Variants in MAPK10 observed in about 807,000 individuals in gnomAD.
MAPK10 encodes the protein mitogen-activated protein kinase 10.
MAPK10 carries 25 observed loss-of-function variants against 59.3 expected under a neutral mutation model. The ratio of observed to expected loss-of-function variants is 0.42; its 90% CI spans 0.31 to 0.59. The LOEUF is 0.59. MAPK10 is among the 20% of genes least tolerant of loss of function. The probability of loss-of-function intolerance (pLI) is 0.15; values close to 1 mark genes in which losing one functional copy is unlikely to be tolerated. For missense variants in MAPK10, 351 were observed against 568.9 expected (o/e 0.62, Z 3.90); for synonymous variants, 190 against 200.5 (o/e 0.95, Z 0.44).
chr4:86,256,726 CTTTCTTTCTTTTTTTTTTTTT>C (rs1267736266), intron 2 of MAPK10, among the ~76,000 whole-genome samples: 1 of 99,254 alleles, frequency 1.0e-5, no homozygotes, highest in African/African-American at 4.8e-5. Context: ...TTTTTCTTTT[CTTTCTTTCTTTTTTTTTTTTT>C]TTTTTTTTTT....
intron 4 of MAPK10, chr4:86,152,771 T>C (rs2066793981): frequency 6.6e-6 from 1 of 152,182 alleles, no homozygotes; most frequent in Admixed American, 6.6e-5. Flanking sequence ...ACATACCTAC[T>C]ATCTTTTTTA....
chr4:86,420,304 A>C (rs1746345664), intron 1 of MAPK10, among the ~76,000 whole-genome samples: 1 of 152,114 alleles, frequency 6.6e-6, no homozygotes, highest in Non-Finnish European at 1.5e-5. Context: ...ATTATATCTT[A>C]CTCAGAAATG....
chr4:86,214,457 T>C (rs138430667), intron 2 of MAPK10, among the ~76,000 whole-genome samples: 4,427 of 148,362 alleles, frequency 0.03, 90 homozygotes, highest in South Asian at 0.041. Context: ...AAAGTACAAT[T>C]ATATTTGTTC....
At chr4:86,292,969 C>A (rs922173142) in intron 2 of MAPK10, among the ~76,000 whole-genome samples, 1 of 152,140 alleles carries the variant, frequency 6.6e-6, no homozygotes, top group African/African-American at 2.4e-5. Context: ...ACTAAGTCAC[C>A]ATAAGATGTT....
chr4:86,488,976 G>C (rs1057283380), intron 1 of MAPK10, among the ~76,000 whole-genome samples: 1 of 152,140 alleles, frequency 6.6e-6, no homozygotes, highest in Non-Finnish European at 1.5e-5. Context: ...TTGCGCATTC[G>C]GGCTTGTTCT....
chr4:86,086,811 A>T (rs569998555), intron 9 of MAPK10, among the ~76,000 whole-genome samples: 1 of 152,174 alleles, frequency 6.6e-6, no homozygotes, highest in South Asian at 2.1e-4. Context: ...GTAATGTCTT[A>T]TACATTAAGA....
chr4:86,336,864 C>T (rs1322443590), intron 2 of MAPK10, among the ~76,000 whole-genome samples: 3 of 143,390 alleles, frequency 2.1e-5, no homozygotes, highest in Non-Finnish European at 4.5e-5. Flanking sequence ...GATCTCAGCT[C>T]GCTGCAAGCT....
At chr4:86,159,097 G>T in intron 4 of MAPK10, 1 of 381,284 alleles carries the variant, frequency 2.6e-6, no homozygotes, top group Non-Finnish European at 4.6e-6. Context: ...CATGTCACAA[G>T]CCAAGTTGTA....
intron 2 of MAPK10, among the ~76,000 whole-genome samples, chr4:86,293,767 C>G (rs1224428862): frequency 2.0e-5 from 3 of 151,954 alleles, no homozygotes; most frequent in Admixed American, 6.6e-5. Flanking sequence ...AGGGGAGGTG[C>G]CACACGCTTT....
intron 2 of MAPK10, 131 bp from the exon 3 acceptor site, chr4:86,194,538 C>G: frequency 1.5e-6 from 1 of 657,662 alleles, no homozygotes; most frequent in Non-Finnish European, 2.7e-6. Context: ...TAATCCTTAT[C>G]TTGACCTGTA....
intron 1 of MAPK10, among the ~76,000 whole-genome samples, chr4:86,441,815 G>T (rs984190180): frequency 6.6e-6 from 1 of 152,140 alleles, no homozygotes; most frequent in African/African-American, 2.4e-5. Flanking sequence ...TCCCCCTATT[G>T]TCCCCATGGA....
intron 2 of MAPK10, among the ~76,000 whole-genome samples, chr4:86,272,086 G>C (rs974383356): frequency 2.0e-5 from 3 of 151,946 alleles, no homozygotes; most frequent in African/African-American, 7.2e-5. Context: ...GAGTACATGC[G>C]GTATTTGGTT....
At chr4:86,491,158 T>C (rs927304379) in intron 1 of MAPK10, among the ~76,000 whole-genome samples, 1 of 152,004 alleles carries the variant, frequency 6.6e-6, no homozygotes, top group South Asian at 2.1e-4. Context: ...GCAGTCAGAG[T>C]AGCAGTGCTG....
chr4:86,443,144 A>C (rs1749610524), intron 1 of MAPK10, among the ~76,000 whole-genome samples: 1 of 152,152 alleles, frequency 6.6e-6, no homozygotes, highest in Admixed American at 6.5e-5. Context: ...TTTTGTGTTG[A>C]AAACTCCAAG....
chr4:86,196,382 T>C (rs930932167), intron 2 of MAPK10, among the ~76,000 whole-genome samples: 5 of 152,240 alleles, frequency 3.3e-5, no homozygotes, highest in African/African-American at 1.2e-4. Flanking sequence ...TGTCTGTTCA[T>C]ATCCTTCACC....
intron 2 of MAPK10, among the ~76,000 whole-genome samples, chr4:86,232,474 C>T (rs577525326): frequency 2.0e-5 from 3 of 151,756 alleles, no homozygotes; most frequent in East Asian, 3.9e-4. Context: ...CCTGGGTTCA[C>T]GCCATTCTCC....
At chr4:86,230,262 C>G (rs1038107712) in intron 2 of MAPK10, among the ~76,000 whole-genome samples, 4 of 152,150 alleles carry the variant, frequency 2.6e-5, no homozygotes, top group Admixed American at 6.5e-5. Context: ...AGGTTATTAA[C>G]TTCACCTTTA....
At chr4:86,153,041 C>T (rs2149213622) in intron 4 of MAPK10, among the ~76,000 whole-genome samples, 1 of 152,072 alleles carries the variant, frequency 6.6e-6, no homozygotes, top group African/African-American at 2.4e-5. Flanking sequence ...CATTTTAATC[C>T]TAACAATCAG....
intron 11 of MAPK10, among the ~76,000 whole-genome samples, chr4:86,062,960 C>G (rs573577375): frequency 6.6e-6 from 1 of 152,076 alleles, no homozygotes; most frequent in East Asian, 1.9e-4. Context: ...TGGTAAGAAT[C>G]AAATAAAATG....
Sources: allele counts gnomAD v4.1 joint callset (sites outside exome capture counted in the v4.1 genomes callset), GRCh38; gene constraint gnomAD v4.1.1; transcripts MANE v1.5; gene names NCBI Gene and HGNC (gene_info 2026-07-23, HGNC 2026-07-21).